The following SPACA7 variants were observed in gnomAD, a reference collection of about 807,000 sequenced individuals.
SPACA7 encodes the protein sperm acrosome-associated protein 7.
A neutral mutation model predicts 26.3 loss-of-function variants in SPACA7; 19 were observed. The ratio of observed to expected loss-of-function variants is 0.72; its 90% CI spans 0.50 to 1.06. SPACA7 has a LOEUF of 1.06. SPACA7 is among the 50% of genes least tolerant of loss of function. The pLI is 0.00. For synonymous variants in SPACA7, 84 were observed against 84.5 expected, an observed-to-expected ratio of 0.99 and a Z score of 0.04; for missense variants, 211 against 229.9, an observed-to-expected ratio of 0.92 and a Z score of 0.53.
chr13:112,382,387 C>T (rs759494502), intron 1 of SPACA7: 59 of 1,533,464 alleles, frequency 3.8e-5, no homozygotes, highest in African/African-American at 3.6e-4. Context: ...CATGAGCCAC[C>T]GTGCCTGGCC....
At chr13:112,395,225 G>A (rs1323835961) in intron 2 of SPACA7, among the ~76,000 whole-genome samples, 3 of 152,244 alleles carry the variant, frequency 2.0e-5, no homozygotes, top group Admixed American at 6.5e-5. Flanking sequence ...TCAGACGGGC[G>A]GTGAGGGGTT....
chr13:112,428,470 C>T (rs926649023), intron 5 of SPACA7, among the ~76,000 whole-genome samples: 4 of 152,104 alleles, frequency 2.6e-5, no homozygotes, highest in Admixed American at 1.3e-4. Flanking sequence ...ATCCCAGCTA[C>T]ATGGGAGGCT....
At chr13:112,409,245 C>A (rs1456345014) in intron 5 of SPACA7, among the ~76,000 whole-genome samples, 1 of 152,104 alleles carries the variant, frequency 6.6e-6, no homozygotes, top group Non-Finnish European at 1.5e-5. Context: ...AATGTTAGAC[C>A]TAAAATCATA....
intron 6 of SPACA7, among the ~76,000 whole-genome samples, chr13:112,433,491 G>C (rs1877395093): frequency 6.6e-6 from 1 of 151,190 alleles, no homozygotes; most frequent in South Asian, 2.1e-4. Flanking sequence ...CCCTCTTAAA[G>C]CATTGGGGTT....
intron 1 of SPACA7, among the ~76,000 whole-genome samples, chr13:112,385,359 C>G (rs1884457035): frequency 6.6e-6 from 1 of 152,198 alleles, no homozygotes; most frequent in Non-Finnish European, 1.5e-5. Flanking sequence ...GTATATAAAA[C>G]TGTTTCTCCA....
intron 1 of SPACA7, chr13:112,382,249 GTTGTTTTGTT>G (rs772561501): frequency 7.1e-6 from 4 of 563,188 alleles, no homozygotes; most frequent in African/African-American, 3.8e-5. Context: ...AATCTTTTTT[GTTGTTTTGTT>G]TTGTTTTGTT....
chr13:112,384,210 C>G (rs2138876333), intron 1 of SPACA7, among the ~76,000 whole-genome samples: 1 of 152,038 alleles, frequency 6.6e-6, no homozygotes, highest in South Asian at 2.1e-4. Flanking sequence ...TTGAAAAGGA[C>G]TAAAGCAAGA....
intron 1 of SPACA7, among the ~76,000 whole-genome samples, chr13:112,378,017 T>G (rs1220841025): frequency 1.3e-5 from 2 of 152,174 alleles, no homozygotes; most frequent in Non-Finnish European, 2.9e-5. Context: ...GCAGGGGGTG[T>G]GTCCTTGGTG....
chr13:112,411,351 C>T (rs572934768), intron 5 of SPACA7, among the ~76,000 whole-genome samples: 35 of 152,144 alleles, frequency 2.3e-4, no homozygotes, highest in Non-Finnish European at 3.8e-4. Flanking sequence ...ACACATTTAA[C>T]ATTTTGCTAT....
intron 1 of SPACA7, among the ~76,000 whole-genome samples, chr13:112,386,205 G>A (rs966797724): frequency 4.6e-5 from 7 of 152,130 alleles, no homozygotes; most frequent in African/African-American, 1.7e-4. Context: ...GTGGGGGTGG[G>A]GATGTTTCCC....
rs772376709 is a variant in SPACA7, at chr13:112,393,014, C to T, written c.95-7C>T. ...TGTTAAACTGTAGGGTTTTTATTTC[C>T]TTCTAGGTTCACCTACTGAAATACC... On this transcript the variant is annotated splice_region_variant and splice_polypyrimidine_tract_variant and intron_variant, in intron 1 of 6. Transcript: ENST00000283550. 2.5e-6 allele frequency: 4 copies of T among 1,608,772 alleles called. No homozygotes were observed. The highest frequency in any genetic ancestry group is 1.3e-5 in the African/African-American group (1 of 74,802).
intron 5 of SPACA7, among the ~76,000 whole-genome samples, chr13:112,426,288 C>G (rs1259096789): frequency 1.3e-5 from 2 of 152,174 alleles, no homozygotes; most frequent in Non-Finnish European, 2.9e-5. Context: ...AAGACCTGTT[C>G]TTCCTCATTG....
At chr13:112,377,753 T>C (rs1883784621) in intron 1 of SPACA7, among the ~76,000 whole-genome samples, 1 of 152,232 alleles carries the variant, frequency 6.6e-6, no homozygotes, top group Admixed American at 6.5e-5. Flanking sequence ...CCTCCTCTTG[T>C]TCAAGAAAGA....
intron 5 of SPACA7, among the ~76,000 whole-genome samples, chr13:112,408,089 G>A (rs1227832184): frequency 3.3e-5 from 5 of 151,890 alleles, no homozygotes; most frequent in South Asian, 2.1e-4. Context: ...AAACGTAGTC[G>A]AGCATATAAA....
intron 5 of SPACA7, among the ~76,000 whole-genome samples, chr13:112,419,286 G>A (rs1280048043): frequency 6.6e-6 from 1 of 152,122 alleles, no homozygotes; most frequent in Admixed American, 6.5e-5. Context: ...GCCAAGTGTG[G>A]GATATAATAT....
chr13:112,395,412 C>T (rs1483277124), intron 2 of SPACA7, among the ~76,000 whole-genome samples: 1 of 152,216 alleles, frequency 6.6e-6, no homozygotes, highest in Non-Finnish European at 1.5e-5. Context: ...GCAGGTCTTA[C>T]TGCGGAGCAG....
chr13:112,388,025 G>A (rs943551000), intron 1 of SPACA7, among the ~76,000 whole-genome samples: 1 of 152,126 alleles, frequency 6.6e-6, no homozygotes, highest in African/African-American at 2.4e-5. Context: ...CAGGCCTATT[G>A]AGCCTTCTCT....
chr13:112,414,337 T>G (rs564490343), intron 5 of SPACA7, among the ~76,000 whole-genome samples: 7 of 151,314 alleles, frequency 4.6e-5, no homozygotes, highest in African/African-American at 1.7e-4. Context: ...TGTTATTATT[T>G]CAATCTTTCA....
At chr13:112,379,714 C>G (rs979331830) in intron 1 of SPACA7, among the ~76,000 whole-genome samples, 3 of 152,108 alleles carry the variant, frequency 2.0e-5, no homozygotes, top group Non-Finnish European at 2.9e-5. Flanking sequence ...TTTCTTTTCA[C>G]CAAGTGAGAG....
Sources: gnomAD v4.1 joint callset for allele counts (sites outside exome capture counted in the v4.1 genomes callset) on GRCh38, gnomAD v4.1.1 for gene constraint, MANE v1.5 for transcripts, NCBI Gene and HGNC (gene_info 2026-07-23, HGNC 2026-07-21) for gene names.